Variants in GALNT13 observed in about 807,000 individuals in gnomAD.
GALNT13 encodes the protein UDP-GalNAc:polypeptide N-acetylgalactosaminyltransferase 13.
GALNT13 carries 28 observed loss-of-function variants against 64.2 expected under a neutral mutation model. That is an observed-to-expected ratio of 0.44 (90% CI 0.32 to 0.60). The LOEUF is 0.60. GALNT13 is among the 20% of genes least tolerant of loss of function. GALNT13 has a pLI of 0.05. For synonymous variants in GALNT13, 214 were observed against 224.6 expected, an observed-to-expected ratio of 0.95 and a Z score of 0.42; for missense variants, 577 against 669.8, an observed-to-expected ratio of 0.86 and a Z score of 1.53.
chr2:153,156,041 T>C, the GALNT13 span, among the ~76,000 whole-genome samples: 1 of 152,158 alleles, frequency 6.6e-6, no homozygotes, highest in South Asian at 2.1e-4. Context: ...AATTTTATGG[T>C]TTTGAGTGAA....
chr2:153,240,250 AT>A, the GALNT13 span, among the ~76,000 whole-genome samples: 32 of 151,586 alleles, frequency 2.1e-4, no homozygotes, highest in East Asian at 1.4e-3. Context: ...AATTTTGTTT[AT>A]TTTTTTTAAA....
At chr2:153,270,768 C>T in the GALNT13 span, among the ~76,000 whole-genome samples, 3 of 152,142 alleles carry the variant, frequency 2.0e-5, no homozygotes, top group Non-Finnish European at 4.4e-5. Context: ...GGGAGGATCA[C>T]TTGAACTTGG....
At chr2:154,403,769 G>GT (rs968545264) in intron 10 of GALNT13, among the ~76,000 whole-genome samples, 4 of 152,018 alleles carry the variant, frequency 2.6e-5, no homozygotes, top group African/African-American at 9.7e-5. Context: ...ATAACCTCTG[G>GT]TTAGCTCTGT....
the GALNT13 span, among the ~76,000 whole-genome samples, chr2:153,308,623 G>C: frequency 2.0e-5 from 3 of 152,162 alleles, no homozygotes. Context: ...TAGAGTTCTT[G>C]TTCTAAATTC....
the GALNT13 span, among the ~76,000 whole-genome samples, chr2:153,864,883 G>A: frequency 6.8e-6 from 1 of 146,768 alleles, no homozygotes; most frequent in Admixed American, 6.8e-5. Context: ...CAAAGCTGGA[G>A]GCATCACGCT....
chr2:153,126,745 T>A, the GALNT13 span, among the ~76,000 whole-genome samples: 1 of 152,232 alleles, frequency 6.6e-6, no homozygotes, highest in Admixed American at 6.5e-5. Context: ...TGAAAATGAC[T>A]TATTTAGAAA....
chr2:154,106,270 G>A (rs1054652804), intron 3 of GALNT13, among the ~76,000 whole-genome samples: 1 of 152,060 alleles, frequency 6.6e-6, no homozygotes, highest in Non-Finnish European at 1.5e-5. Context: ...CAAAAATCAT[G>A]ATGATTTTAC....
At chr2:153,795,394 A>AGTG in the GALNT13 span, among the ~76,000 whole-genome samples, 1 of 152,164 alleles carries the variant, frequency 6.6e-6, no homozygotes, top group African/African-American at 2.4e-5. Context: ...GGACATTGTC[A>AGTG]GTGGAGAAAA....
intron 7 of GALNT13, among the ~76,000 whole-genome samples, chr2:154,250,955 C>T (rs564828529): frequency 2.0e-5 from 3 of 152,044 alleles, no homozygotes; most frequent in Non-Finnish European, 4.4e-5. Context: ...AGTCAATGCT[C>T]TTGCTTACTC....
At chr2:153,511,084 G>A in the GALNT13 span, among the ~76,000 whole-genome samples, 2 of 152,246 alleles carry the variant, frequency 1.3e-5, no homozygotes, top group East Asian at 3.9e-4. Context: ...GCAGAGAAAG[G>A]GGTGGAAGGA....
chr2:154,192,271 C>T (rs951972057), intron 4 of GALNT13, among the ~76,000 whole-genome samples: 7 of 152,136 alleles, frequency 4.6e-5, no homozygotes, highest in African/African-American at 1.4e-4. Context: ...GCTAGGGTCT[C>T]GGGGTTTTTA....
At chr2:153,104,005 ATCT>A in the GALNT13 span, among the ~76,000 whole-genome samples, 1 of 152,136 alleles carries the variant, frequency 6.6e-6, no homozygotes. Context: ...CTGAAGAGTA[ATCT>A]TCTTGAGGGC....
At chr2:154,025,313 C>A (rs1453619719) in intron 3 of GALNT13, among the ~76,000 whole-genome samples, 1 of 152,124 alleles carries the variant, frequency 6.6e-6, no homozygotes, top group Admixed American at 6.6e-5. Context: ...TTGGCTCCTC[C>A]CCCCATGTTT....
chr2:153,121,669 C>A, the GALNT13 span, among the ~76,000 whole-genome samples: 2 of 152,154 alleles, frequency 1.3e-5, no homozygotes, highest in African/African-American at 4.8e-5. Flanking sequence ...GCTGGGACTA[C>A]AGGCACCCAC....
intron 9 of GALNT13, among the ~76,000 whole-genome samples, chr2:154,389,428 A>C (rs799798): frequency 0.41 from 62,616 of 152,092 alleles, 13,461 homozygotes; most frequent in African/African-American, 0.54. Flanking sequence ...CATGAGCCAC[A>C]GTGGCCACTT....
the GALNT13 span, among the ~76,000 whole-genome samples, chr2:153,290,336 G>A: frequency 1.3e-5 from 2 of 152,258 alleles, no homozygotes; most frequent in Admixed American, 6.5e-5. Flanking sequence ...GTTTCACAAA[G>A]AAAGCATTAT....
At chr2:153,580,819 G>C in the GALNT13 span, among the ~76,000 whole-genome samples, 2 of 152,128 alleles carry the variant, frequency 1.3e-5, no homozygotes, top group Non-Finnish European at 2.9e-5. Flanking sequence ...AATAGCAGTT[G>C]AAGTACCAAC....
chr2:154,021,310 G>A (rs1455271703), intron 3 of GALNT13, among the ~76,000 whole-genome samples: 3 of 152,210 alleles, frequency 2.0e-5, no homozygotes, highest in Non-Finnish European at 2.9e-5. Flanking sequence ...CATTTTCACA[G>A]TATTGATTCT....
At chr2:153,285,035 A>T in the GALNT13 span, among the ~76,000 whole-genome samples, 33 of 53,304 alleles carry the variant, frequency 6.2e-4, no homozygotes, top group South Asian at 2.5e-3. Context: ...TAATTTATTT[A>T]AAAAAAAAAA....
Sources: gnomAD v4.1 joint callset for allele counts (sites outside exome capture counted in the v4.1 genomes callset) on GRCh38, gnomAD v4.1.1 for gene constraint, MANE v1.5 for transcripts, NCBI Gene and HGNC (gene_info 2026-07-23, HGNC 2026-07-21) for gene names.